The following GLDC variants were observed in gnomAD, a reference collection of about 807,000 sequenced individuals.
The protein encoded by GLDC is glycine dehydrogenase (decarboxylating), mitochondrial.
Under a neutral mutation model 121.3 loss-of-function variants are expected in GLDC, and 104 were observed. That is an observed-to-expected ratio of 0.86 (90% CI 0.73 to 1.01). The LOEUF (loss-of-function observed/expected upper bound fraction) is 1.01, where lower values mean the gene tolerates loss of function less well. Among genes scored for constraint, GLDC ranks in the 50% least tolerant of loss-of-function variants. The probability of loss-of-function intolerance (pLI) is 0.00; values close to 1 mark genes in which losing one functional copy is unlikely to be tolerated. For synonymous variants in GLDC, 546 were observed against 480.6 expected (o/e 1.14, Z -1.78); for missense variants, 1,429 against 1,306.6 (o/e 1.09, Z -1.44).
At position 6,533,421 on chromosome 9, in the gene GLDC, A is replaced by C. The variant is rs116887436; in HGVS notation, c.2920-261T>G. Among the ~76,000 whole-genome samples the C allele has an allele frequency of 9.8e-4, 150 of 152,344 alleles. 1 individual carries two copies. Among genetic ancestry groups the C allele is most frequent in the Middle Eastern group, 3.4e-3 (1 of 294 alleles). ...TTTATAGCAAAGTTGTGTTTGAAAG[A>C]CTTCAACTGCTTAAAGAAGACTTTG... On this transcript the variant is annotated intron_variant, in intron 24 of 24. Transcript: ENST00000321612.
intron 3 of GLDC, among the ~76,000 whole-genome samples, chr9:6,617,615 A>C (rs1448468475): frequency 1.3e-5 from 2 of 152,182 alleles, no homozygotes; most frequent in Admixed American, 1.3e-4. Context: ...TAGTTCTTTG[A>C]TTTTCCTGTC....
intron 2 of GLDC, chr9:6,639,158 G>A (rs2130010398): frequency 1.3e-6 from 1 of 767,166 alleles, no homozygotes; most frequent in Non-Finnish European, 2.3e-6. Flanking sequence ...CGAAAGCGAA[G>A]AAGGAAGCTC....
chr9:6,569,625 C>G (rs1217048053), intron 15 of GLDC, among the ~76,000 whole-genome samples: 1 of 152,034 alleles, frequency 6.6e-6, no homozygotes, highest in African/African-American at 2.4e-5. Flanking sequence ...GCACTCTAGC[C>G]TGGGCAACAG....
intron 15 of GLDC, among the ~76,000 whole-genome samples, chr9:6,571,488 A>G (rs1311133757): frequency 6.6e-6 from 1 of 152,208 alleles, no homozygotes; most frequent in Non-Finnish European, 1.5e-5. Context: ...GTTCCTTGCA[A>G]TGAGACATTG....
chr9:6,589,103 C>T (rs1818325423), intron 12 of GLDC, 92 bp downstream of exon 12: 1 of 832,280 alleles, frequency 1.2e-6, no homozygotes, highest in African/African-American at 1.7e-5. Context: ...AATAACCAGG[C>T]CACAGCAGGC....
chr9:6,612,987 T>C (rs1045933232), intron 3 of GLDC, among the ~76,000 whole-genome samples: 1 of 152,100 alleles, frequency 6.6e-6, no homozygotes, highest in Non-Finnish European at 1.5e-5. Context: ...ATACATAAAA[T>C]ACAAAACGTT....
At chr9:6,534,883 CA>C (rs1218092162) in intron 23 of GLDC, 95 bp from the exon 24 acceptor site, 3 of 736,738 alleles carry the variant, frequency 4.1e-6, no homozygotes, top group African/African-American at 3.4e-5. Flanking sequence ...GACAGGAGCC[CA>C]GGCAGAGAAA....
chr9:6,638,760 C>G (rs1819564278), intron 2 of GLDC, among the ~76,000 whole-genome samples: 1 of 152,052 alleles, frequency 6.6e-6, no homozygotes, highest in Non-Finnish European at 1.5e-5. Flanking sequence ...CCTATAATCC[C>G]AGCACTTTGG....
chr9:6,584,849 A>G (rs940211650), intron 15 of GLDC, among the ~76,000 whole-genome samples: 4 of 152,218 alleles, frequency 2.6e-5, no homozygotes, highest in African/African-American at 9.7e-5. Flanking sequence ...CATCATGATG[A>G]AGATCTCTTA....
intron 4 of GLDC, among the ~76,000 whole-genome samples, chr9:6,609,661 T>C (rs1818809186): frequency 6.6e-6 from 1 of 151,390 alleles, no homozygotes; most frequent in Admixed American, 6.6e-5. Flanking sequence ...CCACTCCTAA[T>C]TGAGCTTCCC....
At chr9:6,544,814 C>G (rs148933867) in intron 21 of GLDC, among the ~76,000 whole-genome samples, 1 of 152,170 alleles carries the variant, frequency 6.6e-6, no homozygotes, top group African/African-American at 2.4e-5. Flanking sequence ...TAAAATGTAT[C>G]AACTTGCCGG....
At position 6,604,597 on chromosome 9, in the gene GLDC, C is replaced by T; in HGVS notation, c.1049G>A (p.Gly350Glu). ...ACATGAGCCCCTTTACCTTGTTACC[C>T]CCACCATTCTTCCAGGCATCATTCT... ...LVRMMPGRMV[G>E]VTRDATGKEV... Residue 350 changes from glycine to glutamate, a missense_variant, in exon 7 of 25, where the codon GGG becomes GAG. By Grantham distance (98) the Gly-to-Glu change is moderately conservative (BLOSUM62 -2). Coordinates refer to ENST00000321612, the MANE Select transcript of GLDC (RefSeq NM_000170.3). 1 of 1,612,002 alleles carries T rather than the reference C, an allele frequency of 6.2e-7. No individual in the cohort carries two copies. Among genetic ancestry groups the T allele is most frequent in the South Asian group, 1.1e-5 (1 of 90,984 alleles).
intron 15 of GLDC, 122 bp downstream of exon 15, chr9:6,587,019 G>A (rs548889335): frequency 1.2e-6 from 1 of 809,298 alleles, no homozygotes; most frequent in East Asian, 2.5e-5. Context: ...CCCCAGTGGA[G>A]TGGAACTGTC....
At chr9:6,541,321 G>C (rs1044508400) in intron 21 of GLDC, 3 of 152,080 alleles carry the variant, frequency 2.0e-5, no homozygotes, top group Non-Finnish European at 4.4e-5. Context: ...ACCAACTGAT[G>C]AATTTCCTTC....
At position 6,542,515 on chromosome 9, in the gene GLDC, G is replaced by A. The variant is rs953537926; in HGVS notation, c.2570-2369C>T. Among the ~76,000 whole-genome samples the A allele has an allele frequency of 3.9e-5, 6 of 152,164 alleles. No individual in the cohort carries two copies. In the South Asian group the frequency reaches 1.2e-3, roughly 32 times the overall value. On this transcript the variant is annotated intron_variant, in intron 21 of 24. Coordinates refer to ENST00000321612, the MANE Select transcript of GLDC (RefSeq NM_000170.3). The stretch of plus-strand genomic sequence containing the variant: ...GCCTCCCAAAGTGCTGGGATTACAG[G>A]CCGTGAGCCACTGCGCCCAGGCAAA...
intron 2 of GLDC, among the ~76,000 whole-genome samples, chr9:6,630,712 G>T (rs554148656): frequency 4.6e-5 from 7 of 152,146 alleles, no homozygotes; most frequent in African/African-American, 9.7e-5. Flanking sequence ...TGGGGCTGGG[G>T]TGTCAATCAA....
At chr9:6,586,572 C>G (rs774313468) in intron 15 of GLDC, among the ~76,000 whole-genome samples, 5 of 152,196 alleles carry the variant, frequency 3.3e-5, no homozygotes, top group Non-Finnish European at 7.3e-5. Flanking sequence ...AACTGAGACA[C>G]TTGTTGGAAT....
chr9:6,618,839 A>C (rs373352371), intron 3 of GLDC, among the ~76,000 whole-genome samples: 83 of 151,746 alleles, frequency 5.5e-4, no homozygotes, highest in African/African-American at 1.8e-3. Flanking sequence ...ACACACACAC[A>C]CCCCTAGAAG....
intron 15 of GLDC, among the ~76,000 whole-genome samples, chr9:6,575,113 G>A (rs930185547): frequency 2.6e-5 from 4 of 151,788 alleles, no homozygotes; most frequent in African/African-American, 9.7e-5. Flanking sequence ...GGCTGAGGCA[G>A]GAAAATCGCT....
Sources: allele counts gnomAD v4.1 joint callset (sites outside exome capture counted in the v4.1 genomes callset), GRCh38; gene constraint gnomAD v4.1.1; transcripts MANE v1.5; gene names NCBI Gene and HGNC (gene_info 2026-07-23, HGNC 2026-07-21).